ASIC2: variants seen among roughly 807,000 people sequenced by gnomAD.
ASIC2 encodes the protein acid sensing ion channel subunit 2.
ASIC2 carries 25 observed loss-of-function variants against 57.3 expected under a neutral mutation model. The observed-to-expected ratio is 0.44, with a 90% CI of 0.32 to 0.61. ASIC2 has a LOEUF of 0.61. ASIC2 is among the 20% of genes least tolerant of loss of function. The probability of loss-of-function intolerance (pLI) is 0.06; values close to 1 mark genes in which losing one functional copy is unlikely to be tolerated. For synonymous variants in ASIC2, 319 were observed against 307.5 expected, an observed-to-expected ratio of 1.04 and a Z score of -0.39; for missense variants, 641 against 738.1, an observed-to-expected ratio of 0.87 and a Z score of 1.52.
intron 1 of ASIC2, among the ~76,000 whole-genome samples, chr17:33,290,139 T>TA (rs757895674): frequency 1.3e-5 from 2 of 152,182 alleles, no homozygotes; most frequent in Non-Finnish European, 2.9e-5. Flanking sequence ...TATACAAGCT[T>TA]AAAGCAAAGC....
At chr17:33,627,117 T>C (rs1906010691) in intron 1 of ASIC2, 1 of 152,198 alleles carries the variant, frequency 6.6e-6, no homozygotes, top group Admixed American at 6.5e-5. Flanking sequence ...ACCTTGTGTC[T>C]TTGAAGGAAA....
chr17:33,064,724 T>C (rs1028723455), intron 3 of ASIC2, among the ~76,000 whole-genome samples: 14 of 152,174 alleles, frequency 9.2e-5, no homozygotes, highest in African/African-American at 3.4e-4. Context: ...CAAAGCTCAG[T>C]TGGAAACGCA....
chr17:33,316,555 T>G (rs1023219331), intron 1 of ASIC2, among the ~76,000 whole-genome samples: 2 of 152,246 alleles, frequency 1.3e-5, no homozygotes, highest in African/African-American at 4.8e-5. Flanking sequence ...CCCAAAGTGC[T>G]GGGATTACAG....
intron 1 of ASIC2, among the ~76,000 whole-genome samples, chr17:33,871,428 A>T (rs932536497): frequency 1.3e-5 from 2 of 151,914 alleles, no homozygotes; most frequent in Admixed American, 6.6e-5. Context: ...TGTCAACCCC[A>T]CCTCCTTCTC....
chr17:33,539,498 C>T (rs1400539982), intron 1 of ASIC2, among the ~76,000 whole-genome samples: 1 of 152,220 alleles, frequency 6.6e-6, no homozygotes, highest in Non-Finnish European at 1.5e-5. Flanking sequence ...GATCTGAAGA[C>T]CCAAATGCAC....
At chr17:34,131,069 G>A (rs115933089) in intron 1 of ASIC2, among the ~76,000 whole-genome samples, 302 of 152,260 alleles carry the variant, frequency 2.0e-3, no homozygotes, top group African/African-American at 7.1e-3. Context: ...GGAATTCTGA[G>A]AATGAATAGT....
At chr17:33,822,607 T>C (rs1912780502) in intron 1 of ASIC2, among the ~76,000 whole-genome samples, 1 of 152,230 alleles carries the variant, frequency 6.6e-6, no homozygotes, top group Non-Finnish European at 1.5e-5. Flanking sequence ...GGAGATGAGA[T>C]AAACTTCAAG....
chr17:34,156,547 G>C lies in ASIC2; in HGVS notation c.-15C>G. The C allele has an allele frequency of 6.4e-7, 1 of 1,568,938 alleles. No individual in the cohort carries two copies. Among genetic ancestry groups the C allele is most frequent in the Non-Finnish European group, 8.7e-7 (1 of 1,153,528 alleles). The stretch of plus-strand genomic sequence containing the variant: ...TTGAGGTCCATCGGGACCCCGTGCA[G>C]TTCCGCAACTGGCTTCAGGTTGATC... On this transcript the variant is annotated 5_prime_UTR_variant, in exon 1 of 10. Coordinates refer to the ASIC2 transcript ENST00000359872. This position sits in a 1 kb window ranked among gnomAD's most constrained non-coding sequence, Gnocchi z 4.4.
At chr17:34,106,981 A>G (rs1911085076) in intron 1 of ASIC2, among the ~76,000 whole-genome samples, 1 of 152,218 alleles carries the variant, frequency 6.6e-6, no homozygotes, top group African/African-American at 2.4e-5. Context: ...ATATATATGT[A>G]CATGCATATT....
At chr17:33,685,219 C>T (rs1331288081) in intron 1 of ASIC2, among the ~76,000 whole-genome samples, 2 of 152,170 alleles carry the variant, frequency 1.3e-5, no homozygotes, top group Non-Finnish European at 2.9e-5. Flanking sequence ...TTGTTGCTTT[C>T]CAGATAAGTA....
rs372405134 is a variant in ASIC2 at position 33,472,081 on chromosome 17, G to C, written c.556-360014C>G. On this transcript the variant is annotated intron_variant, in intron 1 of 9. Coordinates refer to the ASIC2 transcript ENST00000359872. ...GTCATCCAGGCTGGAGTGCAATGGC[G>C]TGATCTTGGCTCACTGCAACCTCCA... 1.3e-4 allele frequency among the ~76,000 whole-genome samples: 19 copies of C among 149,432 alleles called. No homozygotes were observed. In the East Asian group the frequency reaches 2.8e-3, roughly 22 times the overall value.
chr17:33,253,586 G>A (rs924282053), intron 1 of ASIC2, among the ~76,000 whole-genome samples: 10 of 152,208 alleles, frequency 6.6e-5, no homozygotes, highest in Non-Finnish European at 1.0e-4. Context: ...TTCTGCCTCT[G>A]CAGCATTGAC....
chr17:33,389,131 C>T (rs1461582997), intron 1 of ASIC2, among the ~76,000 whole-genome samples: 1 of 152,082 alleles, frequency 6.6e-6, no homozygotes, highest in Non-Finnish European at 1.5e-5. Context: ...GGCTAATCTT[C>T]GTATTTTTTG....
At chr17:34,072,432 T>A (rs1461264058) in intron 1 of ASIC2, 1 of 152,224 alleles carries the variant, frequency 6.6e-6, no homozygotes, top group Non-Finnish European at 1.5e-5. Flanking sequence ...TGAGGCTAGA[T>A]AAATTTTTAA....
intron 1 of ASIC2, among the ~76,000 whole-genome samples, chr17:33,647,776 A>G (rs1906792274): frequency 6.6e-6 from 1 of 152,242 alleles, no homozygotes. Context: ...TAATGGCCTG[A>G]AAATGCCCAA....
chr17:33,028,920 G>A (rs966967225), intron 3 of ASIC2, among the ~76,000 whole-genome samples: 1 of 152,160 alleles, frequency 6.6e-6, no homozygotes, highest in Non-Finnish European at 1.5e-5. Context: ...TTATAGTCCT[G>A]GGCCTGGACT....
intron 1 of ASIC2, among the ~76,000 whole-genome samples, chr17:34,122,057 A>G (rs1911638270): frequency 6.6e-6 from 1 of 152,250 alleles, no homozygotes; most frequent in Non-Finnish European, 1.5e-5. Flanking sequence ...GGCACAGAGC[A>G]GGTGCCCAAC....
intron 1 of ASIC2, among the ~76,000 whole-genome samples, chr17:33,476,514 T>C (rs55754161): frequency 1.1e-5 from 1 of 94,520 alleles, no homozygotes; most frequent in African/African-American, 4.7e-5. Flanking sequence ...CATATATATA[T>C]ATATATATAT....
At chr17:33,269,613 CCCTTCCTTCCTTCCTTCCTT>C (rs1162850257) in intron 1 of ASIC2, among the ~76,000 whole-genome samples, 1 of 73,340 alleles carries the variant, frequency 1.4e-5, no homozygotes, top group African/African-American at 5.4e-5. Flanking sequence ...AGGGCTCCTT[CCCTTCCTTCCTTCCTTCCTT>C]CCTTCCTTCC....
Sources: gnomAD v4.1 joint callset for allele counts (sites outside exome capture counted in the v4.1 genomes callset) on GRCh38, gnomAD v4.1.1 for gene constraint, Gnocchi (gnomAD v3.1) non-coding constraint, MANE v1.5 for transcripts, NCBI Gene and HGNC (gene_info 2026-07-23, HGNC 2026-07-21) for gene names.